ERCC6L2: variants seen among roughly 807,000 people sequenced by gnomAD.
ERCC6L2 encodes ERCC excision repair 6 like 2.
Under a neutral mutation model 132.0 loss-of-function variants are expected in ERCC6L2, and 77 were observed. The observed-to-expected ratio is 0.58, with a 90% CI of 0.49 to 0.71. The LOEUF (loss-of-function observed/expected upper bound fraction) is 0.71. Ranked by LOEUF, ERCC6L2 falls within the 30% of genes least tolerant of loss-of-function variation. The probability of loss-of-function intolerance (pLI) is 0.00; values close to 1 mark genes in which losing one functional copy is unlikely to be tolerated. For synonymous variants in ERCC6L2, 583 were observed against 632.4 expected, an observed-to-expected ratio of 0.92 and a Z score of 1.17; for missense variants, 1,542 against 1,837.6, an observed-to-expected ratio of 0.84 and a Z score of 2.94.
In ERCC6L2 at chr9:95,887,532, G is replaced by A. The variant is rs141998545; in HGVS notation, c.471+6239G>A. Among the ~76,000 whole-genome samples, 142 of 152,292 alleles carry A rather than the reference G, an allele frequency of 9.3e-4. 1 individual carries two copies. In the East Asian group the frequency reaches 0.025, roughly 27 times the overall value. ...ATTTTCTCATCTGCTATGCAAAGAA[G>A]ATAATAGTACTTTTTGAGTAGCAGA... On this transcript the variant is annotated intron_variant, in intron 2 of 18. Transcript: ENST00000653738.
downstream of ERCC6L2, among the ~76,000 whole-genome samples, chr9:96,022,646 C>A (rs1268062292): frequency 6.6e-6 from 1 of 152,180 alleles, no homozygotes; most frequent in Non-Finnish European, 1.5e-5. Flanking sequence ...CCGGGCCAGA[C>A]GGCAGCGAGT....
In ERCC6L2 at chr9:96,013,275, C is replaced by G; in HGVS notation, c.*72C>G. On this transcript the variant is annotated 3_prime_UTR_variant, in exon 19 of 19. Coordinates refer to ENST00000653738, the MANE Select transcript of ERCC6L2 (RefSeq NM_020207.7). The stretch of plus-strand genomic sequence containing the variant: ...TACGGCACTGGATTCCACACTGATT[C>G]TATTATCTTGAACACAGTTGTTGAC... The G allele has an allele frequency of 8.3e-7, 1 of 1,197,766 alleles. No individual in the cohort carries two copies. Among genetic ancestry groups the G allele is most frequent in the Non-Finnish European group, 1.1e-6 (1 of 911,386 alleles). 74.2% of individuals were successfully genotyped at this position (1,197,766 alleles called of 1,614,324 possible). A position where few individuals can be genotyped will look rare whatever the true frequency, so the allele number is the denominator to read the frequency against.
At chr9:95,953,465 A>C (rs1480650929) in intron 12 of ERCC6L2, among the ~76,000 whole-genome samples, 1 of 151,840 alleles carries the variant, frequency 6.6e-6, no homozygotes, top group East Asian at 1.9e-4. Flanking sequence ...AGTCCCAGCT[A>C]CTTGGGAGGC....
At chr9:95,957,202 C>T (rs1019180692) in intron 13 of ERCC6L2, among the ~76,000 whole-genome samples, 1 of 152,096 alleles carries the variant, frequency 6.6e-6, no homozygotes, top group African/African-American at 2.4e-5. Flanking sequence ...ATAAGGTTCA[C>T]GTGTAATCAT....
At chr9:95,893,877 T>A (rs916900020) in intron 2 of ERCC6L2, among the ~76,000 whole-genome samples, 1 of 152,230 alleles carries the variant, frequency 6.6e-6, no homozygotes, top group Admixed American at 6.5e-5. Flanking sequence ...TCTGCTTTTT[T>A]GTGTTAAATT....
chr9:95,913,057 C>A (rs1564216750), intron 4 of ERCC6L2, among the ~76,000 whole-genome samples: 2 of 152,124 alleles, frequency 1.3e-5, no homozygotes. Context: ...CAGATCTCTC[C>A]ATTGTAAAGA....
chr9:96,000,202 A>T (rs561046171), intron 17 of ERCC6L2, among the ~76,000 whole-genome samples: 15 of 152,132 alleles, frequency 9.9e-5, no homozygotes, highest in East Asian at 1.9e-4. Context: ...ACAATTTTTT[A>T]AAATATATTT....
Position 95,998,079 on chromosome 9 carries a change from CTTTCTGGCCATATACACCT to C in ERCC6L2, c.3493-6419_3493-6401del, listed in dbSNP as rs574335425. 1.4e-4 allele frequency among the ~76,000 whole-genome samples: 22 copies of C among 152,280 alleles called. 1 individual carries two copies. In the South Asian group the frequency reaches 3.3e-3, roughly 23 times the overall value. ...TGCTTAAAACAGCGGTTTTTCAACT[CTTTCTGGCCATATACACCT>C]TTTCTGGCCATATACACCTTTAAGA... On this transcript the variant is annotated intron_variant, in intron 17 of 18. Transcript: ENST00000653738.
At chr9:95,979,551 G>A (rs1206486524) in intron 17 of ERCC6L2, among the ~76,000 whole-genome samples, 1 of 152,144 alleles carries the variant, frequency 6.6e-6, no homozygotes, top group Non-Finnish European at 1.5e-5. Flanking sequence ...AGAGTCAGTT[G>A]TCTTATAATA....
intron 13 of ERCC6L2, among the ~76,000 whole-genome samples, chr9:95,962,251 TG>T (rs200990866): frequency 2.0e-5 from 3 of 151,988 alleles, no homozygotes; most frequent in African/African-American, 4.8e-5. Context: ...TGAGGTGTTT[TG>T]GGGGGGTTGG....
At chr9:96,027,024 C>G (rs1429376479) in intron 19 of ERCC6L2, among the ~76,000 whole-genome samples, 1 of 146,192 alleles carries the variant, frequency 6.8e-6, no homozygotes, top group Non-Finnish European at 1.5e-5. Flanking sequence ...ACACCACATA[C>G]CCCACACACA....
intron 17 of ERCC6L2, among the ~76,000 whole-genome samples, chr9:96,001,939 A>G (rs1268888964): frequency 6.6e-6 from 1 of 152,108 alleles, no homozygotes; most frequent in Non-Finnish European, 1.5e-5. Context: ...GACTCAGTAC[A>G]CCCTCCGCAG....
At chr9:95,884,299 G>C (rs911227764) in intron 2 of ERCC6L2, among the ~76,000 whole-genome samples, 5 of 152,042 alleles carry the variant, frequency 3.3e-5, no homozygotes, top group African/African-American at 1.2e-4. Context: ...ATAGATAGGT[G>C]GTTTGAAAGA....
In ERCC6L2 at chr9:95,972,608, A is replaced by G. The variant is rs553572474; in HGVS notation, c.2857A>G (p.Asn953Asp). The G allele has an allele frequency of 2.6e-5, 34 of 1,289,748 alleles. No individual in the cohort carries two copies. The highest frequency in any genetic ancestry group is 3.3e-5 in the Non-Finnish European group (33 of 988,614). The allele number at this position is 1,289,748 out of a possible 1,614,324, so 79.9% of individuals were successfully genotyped here. ...DNSRNTDDKR[N>D]GIISKKLSPE... Reference sequence around the variant, plus strand: ...TAGTCGAAACACTGATGACAAAAGAAATGGAATAATTTCAAAAAAGTTAAG... The same window carrying G: ...TAGTCGAAACACTGATGACAAAAGAGATGGAATAATTTCAAAAAAGTTAAG... The change falls in exon 16 of 19, where the codon AAT becomes GAT. Residue 953 changes from asparagine (N) to aspartate (D), a missense_variant. By Grantham distance (23) the Asn-to-Asp change is conservative. Transcript: ENST00000653738.
At chr9:95,910,156 T>G (rs953641291) in intron 4 of ERCC6L2, among the ~76,000 whole-genome samples, 9 of 152,206 alleles carry the variant, frequency 5.9e-5, no homozygotes, top group Non-Finnish European at 1.3e-4. Flanking sequence ...TTACAGTATC[T>G]GAGAGAGGAG....
At chr9:96,024,783 C>T (rs1413993680) in intron 19 of ERCC6L2, among the ~76,000 whole-genome samples, 1 of 152,202 alleles carries the variant, frequency 6.6e-6, no homozygotes, top group Non-Finnish European at 1.5e-5. Flanking sequence ...GGGCACCTCA[C>T]ACTCATTGTG....
chr9:95,979,262 C>T (rs1250121123), intron 17 of ERCC6L2, among the ~76,000 whole-genome samples: 1 of 152,128 alleles, frequency 6.6e-6, no homozygotes, highest in East Asian at 1.9e-4. Flanking sequence ...GACTGAATGC[C>T]TAGCTGGCAT....
intron 12 of ERCC6L2, among the ~76,000 whole-genome samples, chr9:95,946,065 A>G (rs990070545): frequency 1.3e-5 from 2 of 152,200 alleles, no homozygotes; most frequent in Non-Finnish European, 2.9e-5. Flanking sequence ...CAATGCTAAT[A>G]TCAAATTATT....
intron 4 of ERCC6L2, among the ~76,000 whole-genome samples, chr9:95,911,665 A>G (rs1035786090): frequency 6.6e-6 from 1 of 152,152 alleles, no homozygotes; most frequent in African/African-American, 2.4e-5. Flanking sequence ...TGCTCTGTGC[A>G]TTTATCACAG....
Sources: allele counts gnomAD v4.1 joint callset (sites outside exome capture counted in the v4.1 genomes callset), GRCh38; gene constraint gnomAD v4.1.1; transcripts MANE v1.5; gene names NCBI Gene and HGNC (gene_info 2026-07-23, HGNC 2026-07-21).